Variants in TBCK observed in about 807,000 individuals in gnomAD.
TBCK encodes the protein TBC domain-containing protein kinase-like protein.
Under a neutral mutation model 113.4 loss-of-function variants are expected in TBCK, and 99 were observed. The ratio of observed to expected loss-of-function variants is 0.87; its 90% CI spans 0.74 to 1.03. The LOEUF (loss-of-function observed/expected upper bound fraction) is 1.03, where lower values mean the gene tolerates loss of function less well. Among genes scored for constraint, TBCK ranks in the 50% least tolerant of loss-of-function variants. The pLI, the probability that TBCK is intolerant of heterozygous loss-of-function variation, is 0.00. For missense variants in TBCK, 1,045 were observed against 1,061.3 expected, an observed-to-expected ratio of 0.98 and a Z score of 0.21; for synonymous variants, 369 against 370.8, an observed-to-expected ratio of 1.00 and a Z score of 0.05.
At chr4:106,142,801 T>C (rs1456745452) in intron 23 of TBCK, among the ~76,000 whole-genome samples, 1 of 152,174 alleles carries the variant, frequency 6.6e-6, no homozygotes, top group African/African-American at 2.4e-5. Context: ...AAATATATTC[T>C]ATAGACTTTC....
At chr4:106,233,828 G>A (rs1021472808) in intron 15 of TBCK, among the ~76,000 whole-genome samples, 178 bp from the exon 16 acceptor site, 1 of 151,994 alleles carries the variant, frequency 6.6e-6, no homozygotes, top group Non-Finnish European at 1.5e-5. Context: ...TTGACAATCT[G>A]TGATGAAGGT....
At chr4:106,225,512 T>G (rs1443502581) in intron 19 of TBCK, among the ~76,000 whole-genome samples, 1 of 152,154 alleles carries the variant, frequency 6.6e-6, no homozygotes, top group African/African-American at 2.4e-5. Context: ...CAGGCTGGAG[T>G]GCAGTGGCGC....
intron 25 of TBCK, among the ~76,000 whole-genome samples, chr4:106,078,676 G>A (rs1738508987): frequency 6.6e-6 from 1 of 151,858 alleles, no homozygotes; most frequent in Non-Finnish European, 1.5e-5. Flanking sequence ...TGAACCAGAT[G>A]GATTCACAGC....
intron 3 of TBCK, among the ~76,000 whole-genome samples, chr4:106,293,641 C>T (rs7435024): frequency 6.6e-6 from 1 of 152,114 alleles, no homozygotes; most frequent in Admixed American, 6.6e-5. Flanking sequence ...ATTCTAGAGG[C>T]TACCCAAAAC....
intron 20 of TBCK, among the ~76,000 whole-genome samples, chr4:106,207,946 G>A (rs549828264): frequency 7.1e-4 from 108 of 152,294 alleles, no homozygotes; most frequent in Non-Finnish European, 1.2e-3. Flanking sequence ...TTTGCTAGAG[G>A]ACATTCAGAA....
At chr4:106,227,069 C>A (rs1409792381) in intron 19 of TBCK, among the ~76,000 whole-genome samples, 2 of 152,050 alleles carry the variant, frequency 1.3e-5, no homozygotes, top group Non-Finnish European at 2.9e-5. Context: ...TTCTAAAAAT[C>A]TTTCTTGAAT....
chr4:106,266,703 T>C (rs1763028150), intron 3 of TBCK, among the ~76,000 whole-genome samples: 1 of 151,940 alleles, frequency 6.6e-6, no homozygotes, highest in African/African-American at 2.4e-5. Context: ...TTCTGTCCTT[T>C]CATATTCTCA....
intron 25 of TBCK, among the ~76,000 whole-genome samples, chr4:106,067,010 A>G (rs1736725318): frequency 1.3e-5 from 2 of 152,056 alleles, no homozygotes; most frequent in Admixed American, 1.3e-4. Flanking sequence ...CCTGTTTTCA[A>G]TTCTTTTTGG....
At chr4:106,228,912 G>A (rs536120073) in intron 19 of TBCK, among the ~76,000 whole-genome samples, 13 of 151,838 alleles carry the variant, frequency 8.6e-5, no homozygotes, top group Non-Finnish European at 1.6e-4. Context: ...ATTTGTTATT[G>A]CCTATCTTTT....
At chr4:106,119,747 T>C (rs1364943606) in intron 23 of TBCK, among the ~76,000 whole-genome samples, 1 of 152,162 alleles carries the variant, frequency 6.6e-6, no homozygotes, top group Non-Finnish European at 1.5e-5. Flanking sequence ...GGAGAAAATA[T>C]GTGCAAACTC....
intron 25 of TBCK, among the ~76,000 whole-genome samples, chr4:106,057,759 T>C (rs1211634750): frequency 6.6e-6 from 1 of 151,840 alleles, no homozygotes; most frequent in Non-Finnish European, 1.5e-5. Flanking sequence ...CGCAGTACTA[T>C]TTCCAGAACT....
intron 25 of TBCK, among the ~76,000 whole-genome samples, chr4:106,049,764 C>T (rs1734610707): frequency 6.6e-6 from 1 of 151,878 alleles, no homozygotes; most frequent in African/African-American, 2.4e-5. Context: ...CATACTGAAC[C>T]AGTGGTTATA....
intron 25 of TBCK, among the ~76,000 whole-genome samples, chr4:106,086,805 C>T (rs541550648): frequency 6.6e-6 from 1 of 152,318 alleles, no homozygotes; most frequent in South Asian, 2.1e-4. Context: ...TGTAATCCAT[C>T]ACATAAACCA....
chr4:106,265,381 G>T (rs1253927294), intron 3 of TBCK, among the ~76,000 whole-genome samples: 1 of 151,870 alleles, frequency 6.6e-6, no homozygotes, highest in Non-Finnish European at 1.5e-5. Context: ...GTGTTATAAA[G>T]AATTCAATTG....
chr4:106,064,057 G>A (rs563215567), intron 25 of TBCK, among the ~76,000 whole-genome samples: 32 of 151,906 alleles, frequency 2.1e-4, no homozygotes, highest in Non-Finnish European at 4.6e-4. Flanking sequence ...ATGGGGAGCC[G>A]GGAGAGGGGG....
At chr4:106,248,464 G>A (rs1221885666) in intron 8 of TBCK, among the ~76,000 whole-genome samples, 158 bp from the exon 9 acceptor site, 16 of 152,110 alleles carry the variant, frequency 1.1e-4, no homozygotes. Flanking sequence ...TACTTAAAGA[G>A]AAATAAGCAT....
At chr4:106,165,401 A>C (rs1750248515) in intron 23 of TBCK, among the ~76,000 whole-genome samples, 1 of 151,740 alleles carries the variant, frequency 6.6e-6, no homozygotes, top group African/African-American at 2.4e-5. Flanking sequence ...TGAAATTTTA[A>C]ACTGAATTTA....
intron 3 of TBCK, among the ~76,000 whole-genome samples, chr4:106,287,174 T>C (rs1287449451): frequency 6.6e-6 from 1 of 152,124 alleles, no homozygotes; most frequent in Non-Finnish European, 1.5e-5. Context: ...GTATAGCAAT[T>C]CTGATCATAG....
At chr4:106,078,789 T>C (rs1011043928) in intron 25 of TBCK, among the ~76,000 whole-genome samples, 13 of 151,188 alleles carry the variant, frequency 8.6e-5, no homozygotes, top group African/African-American at 3.2e-4. Flanking sequence ...GCTCATTCTA[T>C]GAAGCCAGCA....
Sources: gnomAD v4.1 joint callset for allele counts (sites outside exome capture counted in the v4.1 genomes callset) on GRCh38, gnomAD v4.1.1 for gene constraint, MANE v1.5 for transcripts, NCBI Gene and HGNC (gene_info 2026-07-23, HGNC 2026-07-21) for gene names.